The following PSD3 variants were observed in gnomAD, a reference collection of about 807,000 sequenced individuals.
PSD3 encodes the protein PH and SEC7 domain-containing protein 3.
A neutral mutation model predicts 105.5 loss-of-function variants in PSD3; 49 were observed. That is an observed-to-expected ratio of 0.46 (90% CI 0.37 to 0.59). PSD3 has a LOEUF of 0.59. Among genes scored for constraint, PSD3 ranks in the 20% least tolerant of loss-of-function variants. The probability of loss-of-function intolerance (pLI) is 0.00; values close to 1 mark genes in which losing one functional copy is unlikely to be tolerated. For missense variants in PSD3, 1,561 were observed against 1,263.8 expected (o/e 1.24, Z -3.57); for synonymous variants, 557 against 457.8 (o/e 1.22, Z -2.77).
At chr8:18,587,510 C>T (rs1178196969) in intron 12 of PSD3, among the ~76,000 whole-genome samples, 20 of 152,026 alleles carry the variant, frequency 1.3e-4, no homozygotes, top group Non-Finnish European at 5.9e-5. Context: ...TTTGAATATG[C>T]CATATTCTCT....
chr8:18,892,831 G>C (rs1370801683), intron 2 of PSD3, among the ~76,000 whole-genome samples: 2 of 151,620 alleles, frequency 1.3e-5, no homozygotes, highest in Non-Finnish European at 2.9e-5. Flanking sequence ...CACCATGTTG[G>C]CCAGGCTGGT....
At chr8:18,956,116 C>T (rs1242411794) in intron 1 of PSD3, among the ~76,000 whole-genome samples, 1 of 152,052 alleles carries the variant, frequency 6.6e-6, no homozygotes, top group African/African-American at 2.4e-5. Context: ...AAGAAGGAAG[C>T]TGAAAGAAAA....
chr8:18,740,394 C>T (rs1238296291), intron 9 of PSD3, among the ~76,000 whole-genome samples: 1 of 152,138 alleles, frequency 6.6e-6, no homozygotes, highest in Admixed American at 6.5e-5. Context: ...AGTGACCTTC[C>T]CTAGCTACAA....
chr8:18,855,529 G>GT (rs1815939140), intron 4 of PSD3, among the ~76,000 whole-genome samples: 1 of 152,080 alleles, frequency 6.6e-6, no homozygotes, highest in Non-Finnish European at 1.5e-5. Context: ...CAAATACTGA[G>GT]GAAAAAAGGG....
chr8:18,975,871 T>A (rs1251901681), intron 1 of PSD3, among the ~76,000 whole-genome samples: 2 of 152,108 alleles, frequency 1.3e-5, no homozygotes, highest in African/African-American at 4.8e-5. Flanking sequence ...TATTATGTAA[T>A]ATCATTGGTT....
chr8:18,612,408 C>G (rs1805332071), intron 11 of PSD3, among the ~76,000 whole-genome samples: 1 of 151,470 alleles, frequency 6.6e-6, no homozygotes, highest in South Asian at 2.1e-4. Flanking sequence ...GAGTCTTGCT[C>G]TGTTGCCAGA....
chr8:18,949,730 G>A (rs7014903), intron 1 of PSD3, among the ~76,000 whole-genome samples: 59,537 of 151,778 alleles, frequency 0.39, 11,854 homozygotes, highest in Non-Finnish European at 0.41. Flanking sequence ...TGAGCTCAGA[G>A]CATCTACAAA....
At chr8:18,564,951 C>G (rs2468982) in intron 14 of PSD3, among the ~76,000 whole-genome samples, 151,522 of 152,288 alleles carry the variant, frequency 0.99, 75,392 homozygotes, top group Middle Eastern at 1. Context: ...TTTTATAAGA[C>G]AATGGTTGGA....
rs5889817 is a variant in PSD3, at chr8:18,694,822, G to GAA, written c.2173-39139_2173-39138dup. On this transcript the variant is annotated intron_variant, in intron 9 of 15. Coordinates refer to ENST00000327040, the MANE Select transcript of PSD3 (RefSeq NM_015310.4). The stretch of plus-strand genomic sequence containing the variant: ...AACATAGTGAAACCCTATCTCCACT[G>GAA]AAAAAAAAAATTATTCTGATAAATG... Among the ~76,000 whole-genome samples the GAA allele has an allele frequency of 1.1e-3, 166 of 150,908 alleles. 1 individual carries two copies. The highest frequency in any genetic ancestry group is 3.4e-3 in the Middle Eastern group (1 of 290).
intron 10 of PSD3, among the ~76,000 whole-genome samples, 166 bp from the exon 11 acceptor site, chr8:18,632,972 A>T (rs147534436): frequency 6.6e-6 from 1 of 152,192 alleles, no homozygotes; most frequent in African/African-American, 2.4e-5. Context: ...TCTGTGTGCC[A>T]GGTGTTAATG....
In PSD3 at chr8:19,038,174, G is replaced by T. The variant is rs1399479714; in HGVS notation, c.324+46032C>A. Among the ~76,000 whole-genome samples the T allele has an allele frequency of 3.3e-5, 5 of 152,102 alleles. No homozygotes were observed. In the East Asian group the frequency reaches 9.7e-4, roughly 29 times the overall value. The stretch of plus-strand genomic sequence containing the variant: ...GCATGTCAGAAAGAGGGACTCAAAA[G>T]CTCTTAATAAGCTGGGCTATGAACT... On this transcript the variant is annotated intron_variant, in intron 1 of 1. Coordinates refer to the PSD3 transcript ENST00000521475.
intron 1 of PSD3, among the ~76,000 whole-genome samples, chr8:19,074,592 CATATATATATATATAT>C: frequency 1.5e-5 from 1 of 65,992 alleles, no homozygotes; most frequent in South Asian, 5.2e-4. Flanking sequence ...CAGATATATA[CATATATATATATATAT>C]ATATTTTTTT....
At chr8:18,985,676 T>G (rs1825465377) in intron 1 of PSD3, among the ~76,000 whole-genome samples, 1 of 152,152 alleles carries the variant, frequency 6.6e-6, no homozygotes, top group African/African-American at 2.4e-5. Flanking sequence ...AAATAGCATT[T>G]TCTTCTGGGA....
At chr8:18,863,639 AATC>A (rs1403769942) in intron 4 of PSD3, among the ~76,000 whole-genome samples, 4 of 152,306 alleles carry the variant, frequency 2.6e-5, no homozygotes, top group Admixed American at 2.6e-4. Context: ...TGTTTGTGAC[AATC>A]TAATAGTCCA....
rs942862119 is a variant in PSD3, at chr8:19,005,104, A to G, written c.21+8459T>C. Among the ~76,000 whole-genome samples, 106 of 152,016 alleles carry G rather than the reference A, an allele frequency of 7.0e-4. 1 individual carries two copies. The highest frequency in any genetic ancestry group is 9.4e-4 in the Non-Finnish European group (64 of 67,972). ...TAGAGAAACGAAAAGCAAAACCACAATGAGATACCACCTCACACCCACTAG... is the reference window on the plus strand; with the variant it reads ...TAGAGAAACGAAAAGCAAAACCACAGTGAGATACCACCTCACACCCACTAG... On this transcript the variant is annotated intron_variant, in intron 1 of 15. Transcript: ENST00000327040.
intron 15 of PSD3, among the ~76,000 whole-genome samples, chr8:18,545,716 C>G (rs78231520): frequency 0.026 from 4,019 of 152,290 alleles, 43 homozygotes; most frequent in African/African-American, 0.031. Context: ...TTTTGGTTTA[C>G]ACTTTGCTTT....
intron 4 of PSD3, among the ~76,000 whole-genome samples, chr8:18,844,463 A>G (rs1391762102): frequency 6.6e-6 from 1 of 152,200 alleles, no homozygotes; most frequent in Non-Finnish European, 1.5e-5. Context: ...GAAACAACTT[A>G]AAGTAGACTT....
chr8:19,077,769 A>T (rs1829506360), intron 1 of PSD3, among the ~76,000 whole-genome samples: 1 of 152,172 alleles, frequency 6.6e-6, no homozygotes, highest in Non-Finnish European at 1.5e-5. Context: ...AGATTTGCTT[A>T]TTTATGCTTA....
chr8:18,657,370 T>A (rs975827598), intron 9 of PSD3, among the ~76,000 whole-genome samples: 3 of 152,244 alleles, frequency 2.0e-5, no homozygotes, highest in Non-Finnish European at 4.4e-5. Context: ...AGCCAGTATC[T>A]TGACAAACTT....
Sources: gnomAD v4.1 joint callset for allele counts (sites outside exome capture counted in the v4.1 genomes callset) on GRCh38, gnomAD v4.1.1 for gene constraint, MANE v1.5 for transcripts, NCBI Gene and HGNC (gene_info 2026-07-23, HGNC 2026-07-21) for gene names.